The following AKAP6 variants were observed in gnomAD, a reference collection of about 807,000 sequenced individuals.
The protein encoded by AKAP6 is A-kinase anchor protein 6.
A neutral mutation model predicts 188.5 loss-of-function variants in AKAP6; 58 were observed. That is an observed-to-expected ratio of 0.31 (90% CI 0.25 to 0.38). The LOEUF is 0.38. AKAP6 is among the 10% of genes least tolerant of loss of function. The pLI is 1.00. For missense variants in AKAP6, 2,710 were observed against 2,740.0 expected (o/e 0.99, Z 0.24); for synonymous variants, 989 against 998.6 (o/e 0.99, Z 0.18).
chr14:32,813,630 A>C (rs2034304972), intron 12 of AKAP6, among the ~76,000 whole-genome samples: 1 of 152,214 alleles, frequency 6.6e-6, no homozygotes, highest in Non-Finnish European at 1.5e-5. Context: ...GAACTGGGAC[A>C]AAGGCCAAAT....
intron 4 of AKAP6, among the ~76,000 whole-genome samples, chr14:32,557,244 G>A (rs1315747753): frequency 1.3e-5 from 2 of 151,978 alleles, no homozygotes; most frequent in African/African-American, 4.8e-5. Flanking sequence ...ACACCATCAT[G>A]CCTGGATAAT....
At chr14:32,721,775 G>A (rs2030549598) in intron 9 of AKAP6, among the ~76,000 whole-genome samples, 2 of 152,094 alleles carry the variant, frequency 1.3e-5, no homozygotes. Flanking sequence ...TTCAGTCTTG[G>A]CATTTCTTTT....
intron 11 of AKAP6, among the ~76,000 whole-genome samples, chr14:32,767,538 G>A (rs187287442): frequency 6.6e-6 from 1 of 151,890 alleles, no homozygotes; most frequent in Admixed American, 6.6e-5. Flanking sequence ...CAAATAAAAG[G>A]CACTCAATAA....
At chr14:32,469,879 G>A (rs930419959) in intron 2 of AKAP6, among the ~76,000 whole-genome samples, 1 of 151,970 alleles carries the variant, frequency 6.6e-6, no homozygotes, top group African/African-American at 2.4e-5. Context: ...ATGCATATAT[G>A]ACATATTTTA....
chr14:32,622,944 A>G (rs558878260), intron 7 of AKAP6, among the ~76,000 whole-genome samples: 7 of 152,282 alleles, frequency 4.6e-5, no homozygotes, highest in African/African-American at 1.7e-4. Flanking sequence ...TGAGGCACCA[A>G]TAATCAGAGC....
intron 7 of AKAP6, among the ~76,000 whole-genome samples, chr14:32,638,955 G>T (rs73264807): frequency 0.025 from 3,855 of 152,182 alleles, 156 homozygotes; most frequent in African/African-American, 0.088. Flanking sequence ...AATGCTTTAT[G>T]AATTAGTGTG....
intron 7 of AKAP6, among the ~76,000 whole-genome samples, chr14:32,620,376 G>T (rs181914473): frequency 6.6e-6 from 1 of 152,076 alleles, no homozygotes. Context: ...TATCATAAAG[G>T]GATGCTGGAT....
At chr14:32,665,875 T>C (rs1247850452) in intron 7 of AKAP6, among the ~76,000 whole-genome samples, 2 of 152,174 alleles carry the variant, frequency 1.3e-5, no homozygotes, top group East Asian at 3.9e-4. Context: ...GTATATCAGA[T>C]ATCTTTCCAA....
intron 7 of AKAP6, among the ~76,000 whole-genome samples, chr14:32,660,080 G>A (rs1888622027): frequency 1.3e-5 from 2 of 152,262 alleles, no homozygotes; most frequent in South Asian, 4.1e-4. Flanking sequence ...CTTAATGGCA[G>A]AACCTATGAT....
Position 32,464,620 on chromosome 14 carries a change from C to G in AKAP6, c.324+30803C>G, listed in dbSNP as rs1878293105. Among the ~76,000 whole-genome samples the G allele has an allele frequency of 2.0e-5, 3 of 152,136 alleles. 1 individual carries two copies. Among genetic ancestry groups the G allele is most frequent in the South Asian group, 4.1e-4 (2 of 4,830 alleles). On this transcript the variant is annotated intron_variant, in intron 2 of 13. Coordinates refer to ENST00000280979, the MANE Select transcript of AKAP6 (RefSeq NM_004274.5). ...TCAAAATAATAAGAGCTATTTATGA[C>G]AAACCCGTAACCAACATCATACTGA...
At chr14:32,544,098 C>G (rs1479102078) in intron 3 of AKAP6, among the ~76,000 whole-genome samples, 2 of 152,226 alleles carry the variant, frequency 1.3e-5, no homozygotes, top group Non-Finnish European at 2.9e-5. Context: ...CCTGGAGAAG[C>G]CAGATCTGGG....
At chr14:32,439,604 G>T (rs1263632020) in intron 2 of AKAP6, among the ~76,000 whole-genome samples, 1 of 151,574 alleles carries the variant, frequency 6.6e-6, no homozygotes, top group Non-Finnish European at 1.5e-5. Context: ...TAACTAGTAA[G>T]GCTACCTCAG....
At chr14:32,618,706 A>T (rs975401605) in intron 7 of AKAP6, among the ~76,000 whole-genome samples, 2 of 152,152 alleles carry the variant, frequency 1.3e-5, no homozygotes, top group African/African-American at 2.4e-5. Flanking sequence ...ATTTGAGTAG[A>T]TACCCAGTAG....
intron 12 of AKAP6, among the ~76,000 whole-genome samples, chr14:32,777,851 A>C (rs1566704426): frequency 1.3e-5 from 2 of 152,134 alleles, no homozygotes; most frequent in Non-Finnish European, 2.9e-5. Flanking sequence ...CAACCTGGGC[A>C]ACATAGCAAG....
intron 9 of AKAP6, among the ~76,000 whole-genome samples, chr14:32,713,559 G>C (rs999686322): frequency 2.6e-5 from 4 of 151,970 alleles, no homozygotes; most frequent in African/African-American, 9.7e-5. Context: ...ATCTTCTGGA[G>C]AACTTGCTGC....
At chr14:32,460,987 A>T (rs1203586417) in intron 2 of AKAP6, among the ~76,000 whole-genome samples, 1 of 152,224 alleles carries the variant, frequency 6.6e-6, no homozygotes, top group Non-Finnish European at 1.5e-5. Flanking sequence ...ACAGTGCAGC[A>T]AAGTAGCTGT....
intron 5 of AKAP6, among the ~76,000 whole-genome samples, chr14:32,586,568 A>G (rs1228490285): frequency 6.6e-6 from 1 of 152,190 alleles, no homozygotes; most frequent in Non-Finnish European, 1.5e-5. Flanking sequence ...CAGAGGTTGC[A>G]GAGGTTGAGC....
intron 2 of AKAP6, among the ~76,000 whole-genome samples, chr14:32,440,538 T>C (rs2224430): frequency 0.73 from 110,624 of 152,054 alleles, 41,246 homozygotes; most frequent in African/African-American, 0.88. Flanking sequence ...AAATGTATTT[T>C]TTTGAATCAA....
At chr14:32,796,192 G>A (rs1268170176) in intron 12 of AKAP6, among the ~76,000 whole-genome samples, 1 of 152,120 alleles carries the variant, frequency 6.6e-6, no homozygotes, top group East Asian at 1.9e-4. Flanking sequence ...TTATGAAAAT[G>A]GCCATACTGC....
Sources: allele counts gnomAD v4.1 joint callset (sites outside exome capture counted in the v4.1 genomes callset), GRCh38; gene constraint gnomAD v4.1.1; transcripts MANE v1.5; gene names NCBI Gene and HGNC (gene_info 2026-07-23, HGNC 2026-07-21).